Variants in DPP10 observed in about 807,000 individuals in gnomAD.
The protein encoded by DPP10 is inactive dipeptidyl peptidase 10.
In DPP10, 33 loss-of-function variants were observed where a neutral mutation model predicts 120.9. The observed-to-expected ratio is 0.27, with a 90% CI of 0.21 to 0.37. The LOEUF (loss-of-function observed/expected upper bound fraction) is 0.37, where lower values mean the gene tolerates loss of function less well. DPP10 is among the 10% of genes least tolerant of loss of function. The pLI, the probability that DPP10 is intolerant of heterozygous loss-of-function variation, is 1.00. For synonymous variants in DPP10, 337 were observed against 326.1 expected (o/e 1.03, Z -0.36); for missense variants, 816 against 942.8 (o/e 0.87, Z 1.76).
intron 1 of DPP10, among the ~76,000 whole-genome samples, chr2:115,308,738 A>G (rs1057503526): frequency 1.3e-5 from 2 of 148,920 alleles, no homozygotes; most frequent in Non-Finnish European, 3.0e-5. Context: ...AGAACTGTTT[A>G]AAAAAGACCT....
Position 115,753,289 on chromosome 2 carries a change from TGTA to T in DPP10, c.1070_1072del (p.Ser357del). ...AGTCTGTGAGACCACTACAGGTGCTTGTAGTAAAGTGAGTATAATTTATTTTTC... is the reference window on the plus strand; with the variant it reads ...AGTCTGTGAGACCACTACAGGTGCTTGTAAAGTGAGTATAATTTATTTTTC... On this transcript the variant is annotated inframe_deletion, in exon 11 of 26. Coordinates refer to ENST00000410059, the MANE Select transcript of DPP10 (RefSeq NM_020868.6). 6.3e-7 allele frequency: 1 copy of T among 1,594,256 alleles called. No individual in the cohort carries two copies. The highest frequency in any genetic ancestry group is 1.1e-5 in the South Asian group (1 of 87,800).
intron 2 of DPP10, among the ~76,000 whole-genome samples, chr2:115,320,766 C>G (rs746477644): frequency 4.6e-5 from 7 of 152,024 alleles, no homozygotes; most frequent in Non-Finnish European, 8.8e-5. Flanking sequence ...TACAATAAGA[C>G]TGCCTTTTCT....
chr2:115,655,583 G>GT, intron 5 of DPP10, among the ~76,000 whole-genome samples: 1 of 151,478 alleles, frequency 6.6e-6, no homozygotes, highest in African/African-American at 2.4e-5. Flanking sequence ...TATTTGATTG[G>GT]TTTGGATATA....
intron 1 of DPP10, among the ~76,000 whole-genome samples, chr2:115,241,370 C>G (rs1429254501): frequency 2.0e-5 from 3 of 152,130 alleles, no homozygotes; most frequent in Non-Finnish European, 4.4e-5. Flanking sequence ...GTTCAGTATC[C>G]TTGGTAGTTG....
intron 5 of DPP10, among the ~76,000 whole-genome samples, chr2:115,652,158 C>T (rs987416379): frequency 6.6e-6 from 1 of 151,954 alleles, no homozygotes; most frequent in Non-Finnish European, 1.5e-5. Flanking sequence ...ATATGCCAGA[C>T]ATTCTTTCAA....
intron 5 of DPP10, among the ~76,000 whole-genome samples, chr2:115,639,978 G>A (rs558579842): frequency 3.1e-4 from 45 of 143,462 alleles, no homozygotes; most frequent in African/African-American, 1.2e-3. Flanking sequence ...TTTTTTTTTA[G>A]AGAAGATAAA....
At chr2:114,669,026 T>G (rs1035452224) in intron 1 of DPP10, among the ~76,000 whole-genome samples, 1 of 152,154 alleles carries the variant, frequency 6.6e-6, no homozygotes, top group Non-Finnish European at 1.5e-5. Context: ...ATTGCTTGAG[T>G]CTGATCATCC....
At chr2:115,682,993 G>A (rs1310878915) in intron 5 of DPP10, among the ~76,000 whole-genome samples, 4 of 151,734 alleles carry the variant, frequency 2.6e-5, no homozygotes, top group East Asian at 1.9e-4. Flanking sequence ...TGTGGGGACC[G>A]CATCATGCTG....
chr2:115,017,230 A>T (rs139993880), intron 1 of DPP10, among the ~76,000 whole-genome samples: 2,282 of 151,066 alleles, frequency 0.015, 29 homozygotes, highest in Admixed American at 0.038. Context: ...TAAAAAAATT[A>T]AAAAAAAAGA....
chr2:115,112,719 G>C (rs2049291905), intron 1 of DPP10, among the ~76,000 whole-genome samples: 1 of 152,200 alleles, frequency 6.6e-6, no homozygotes, highest in African/African-American at 2.4e-5. Context: ...AGGTAGCGGG[G>C]AGGTGTTGGC....
intron 5 of DPP10, among the ~76,000 whole-genome samples, chr2:115,560,024 C>T (rs542177419): frequency 3.3e-5 from 5 of 151,836 alleles, no homozygotes; most frequent in East Asian, 2.0e-4. Flanking sequence ...TAGGGACCAA[C>T]GACTTTAAAT....
At chr2:114,606,242 G>T (rs1249350345) in intron 1 of DPP10, among the ~76,000 whole-genome samples, 1 of 152,134 alleles carries the variant, frequency 6.6e-6, no homozygotes, top group Non-Finnish European at 1.5e-5. Context: ...TGAAGGGCCA[G>T]CTGTCTTTGT....
At chr2:115,067,876 A>G (rs1298563969) in intron 1 of DPP10, among the ~76,000 whole-genome samples, 2 of 148,586 alleles carry the variant, frequency 1.3e-5, no homozygotes, top group Admixed American at 6.7e-5. Flanking sequence ...AAAAAAAAAA[A>G]AAAAGAAAAA....
intron 5 of DPP10, among the ~76,000 whole-genome samples, chr2:115,634,575 C>T (rs1293537598): frequency 1.3e-5 from 2 of 152,256 alleles, no homozygotes; most frequent in East Asian, 3.9e-4. Context: ...GTAAAGATGG[C>T]TGCCTTTTCT....
intron 1 of DPP10, among the ~76,000 whole-genome samples, chr2:114,863,113 A>G (rs1689956160): frequency 6.6e-6 from 1 of 151,930 alleles, no homozygotes; most frequent in African/African-American, 2.4e-5. Context: ...AAATCAACAT[A>G]TTTTTCTTGA....
chr2:115,765,724 C>T (rs1427060912), intron 12 of DPP10, among the ~76,000 whole-genome samples: 2 of 152,044 alleles, frequency 1.3e-5, no homozygotes, highest in Non-Finnish European at 1.5e-5. Flanking sequence ...AGAGAAATAT[C>T]CCACAGGAGC....
chr2:115,050,029 G>C (rs1705356231), intron 1 of DPP10: 1 of 152,054 alleles, frequency 6.6e-6, no homozygotes, highest in Non-Finnish European at 1.5e-5. Flanking sequence ...TATTTCAAAA[G>C]AAATTTCCAA....
rs368022140 is a variant in DPP10, at chr2:115,249,715, A to G, written c.61-59524A>G. On this transcript the variant is annotated intron_variant, in intron 1 of 25. Coordinates refer to ENST00000410059, the MANE Select transcript of DPP10 (RefSeq NM_020868.6). ...ACGTAAGAAGAATTAAAGTCCACAG[A>G]CTATCAGAATTAAGGGAACTTTGAT... Among the ~76,000 whole-genome samples the G allele has an allele frequency of 2.0e-5, 3 of 152,096 alleles. No individual in the cohort carries two copies. In the East Asian group the frequency reaches 5.8e-4, roughly 29 times the overall value.
At chr2:115,794,079 AATT>A (rs1684279508) in intron 19 of DPP10, among the ~76,000 whole-genome samples, 1 of 152,094 alleles carries the variant, frequency 6.6e-6, no homozygotes, top group African/African-American at 2.4e-5. Context: ...AAGTAATAAT[AATT>A]ATTATTTTTT....
Sources: allele counts gnomAD v4.1 joint callset (sites outside exome capture counted in the v4.1 genomes callset), GRCh38; gene constraint gnomAD v4.1.1; transcripts MANE v1.5; gene names NCBI Gene and HGNC (gene_info 2026-07-23, HGNC 2026-07-21).